NTNG1: variants seen among roughly 807,000 people sequenced by gnomAD.
NTNG1 encodes netrin G1, also known as netrin-G1.
NTNG1 carries 16 observed loss-of-function variants against 54.0 expected under a neutral mutation model. The observed-to-expected ratio is 0.30, with a 90% CI of 0.20 to 0.45. The LOEUF is 0.45. NTNG1 is among the 20% of genes least tolerant of loss of function. NTNG1 has a pLI of 1.00. For synonymous variants in NTNG1, 255 were observed against 263.1 expected (o/e 0.97, Z 0.30); for missense variants, 530 against 678.7 (o/e 0.78, Z 2.43).
intron 7 of NTNG1, among the ~76,000 whole-genome samples, chr1:107,464,956 T>A (rs1243400490): frequency 6.6e-6 from 1 of 152,170 alleles, no homozygotes; most frequent in Non-Finnish European, 1.5e-5. Context: ...GTGGTGTTTC[T>A]CTCCAGGTCG....
chr1:107,297,286 T>G (rs1666041655), intron 2 of NTNG1, among the ~76,000 whole-genome samples: 1 of 145,860 alleles, frequency 6.9e-6, no homozygotes, highest in African/African-American at 2.6e-5. Context: ...GGATGCATGT[T>G]GTAAATTGAA....
intron 3 of NTNG1, among the ~76,000 whole-genome samples, chr1:107,374,143 A>C (rs1671088461): frequency 6.6e-6 from 1 of 152,082 alleles, no homozygotes; most frequent in African/African-American, 2.4e-5. Flanking sequence ...TGTGTGTAAC[A>C]TGTCCTTTAT....
At chr1:107,208,543 T>A (rs577420525) in intron 2 of NTNG1, among the ~76,000 whole-genome samples, 11 of 152,136 alleles carry the variant, frequency 7.2e-5, no homozygotes, top group Non-Finnish European at 1.5e-5. Context: ...GCAACACACC[T>A]ACGCCCCATG....
intron 2 of NTNG1, among the ~76,000 whole-genome samples, chr1:107,282,493 A>C (rs1184205765): frequency 3.0e-4 from 45 of 152,116 alleles, no homozygotes; most frequent in Admixed American, 3.0e-3. Context: ...AAGGTAAGAC[A>C]TTTCTGTAAC....
intron 2 of NTNG1, among the ~76,000 whole-genome samples, chr1:107,217,426 TG>T (rs1175633749): frequency 1.3e-5 from 2 of 152,200 alleles, no homozygotes; most frequent in Non-Finnish European, 1.5e-5. Context: ...TTGGATTTTT[TG>T]TTTGTTTATT....
At chr1:107,295,495 T>C (rs1665886628) in intron 2 of NTNG1, among the ~76,000 whole-genome samples, 1 of 152,116 alleles carries the variant, frequency 6.6e-6, no homozygotes, top group African/African-American at 2.4e-5. Context: ...AACAATGGGT[T>C]TGTAGTGTAA....
chr1:107,141,690 C>T (rs1653730720), intron 1 of NTNG1, among the ~76,000 whole-genome samples: 1 of 152,014 alleles, frequency 6.6e-6, no homozygotes, highest in South Asian at 2.1e-4. Flanking sequence ...ACAAGTCTTC[C>T]CGGGGGTGCG....
intron 3 of NTNG1, among the ~76,000 whole-genome samples, chr1:107,340,365 C>G (rs1055780544): frequency 6.6e-6 from 1 of 151,934 alleles, no homozygotes; most frequent in Non-Finnish European, 1.5e-5. Flanking sequence ...TTTAATCAGA[C>G]TGAATGAAAG....
intron 5 of NTNG1, among the ~76,000 whole-genome samples, chr1:107,414,280 A>AT (rs1308637476): frequency 1.3e-5 from 2 of 152,130 alleles, no homozygotes; most frequent in East Asian, 3.9e-4. Flanking sequence ...CAAAATCTCC[A>AT]TTTTTCTCAT....
intron 2 of NTNG1, among the ~76,000 whole-genome samples, chr1:107,300,779 T>G (rs1666268276): frequency 1.3e-5 from 2 of 152,214 alleles, no homozygotes; most frequent in Non-Finnish European, 2.9e-5. Flanking sequence ...TTTAAGATCC[T>G]GAATACAGAG....
chr1:107,231,793 A>G lies in NTNG1; in HGVS notation c.246+82954A>G, dbSNP rs145533053. ...TTAGCATCTTGGATACTGCCAGGCC[A>G]TGGAAGGAAGGCAAATTGTTGCCAA... On this transcript the variant is annotated intron_variant, in intron 2 of 7. Coordinates refer to ENST00000370068, the MANE Select transcript of NTNG1 (RefSeq NM_001113226.3). Among the ~76,000 whole-genome samples, 585 of 152,280 alleles carry G rather than the reference A, an allele frequency of 3.8e-3. 4 individuals carry two copies. Among genetic ancestry groups the G allele is most frequent in the South Asian group, 0.02 (96 of 4,818 alleles).
At chr1:107,386,870 A>G (rs1228615141) in intron 3 of NTNG1, among the ~76,000 whole-genome samples, 2 of 152,190 alleles carry the variant, frequency 1.3e-5, no homozygotes, top group African/African-American at 2.4e-5. Flanking sequence ...CCCAATAGCA[A>G]TCTCTGAGGA....
At chr1:107,406,341 TATACTTCAATG>T in intron 4 of NTNG1, among the ~76,000 whole-genome samples, 1 of 152,338 alleles carries the variant, frequency 6.6e-6, no homozygotes, top group East Asian at 1.9e-4. Context: ...CACCTGTTAC[TATACTTCAATG>T]ATGTGAAGAA....
chr1:107,345,399 T>C (rs1052262821), intron 3 of NTNG1, among the ~76,000 whole-genome samples: 5 of 152,214 alleles, frequency 3.3e-5, no homozygotes, highest in African/African-American at 1.2e-4. Context: ...ATTTTCAAAG[T>C]TCTGTGGATT....
rs1190772070 is a variant in NTNG1, at chr1:107,191,328, C to G, written c.246+42489C>G. ...GTTCATTGTAGATTCTGGATATTAG[C>G]CCTTGGTCAGATGAGTAGGTTGCAA... On this transcript the variant is annotated intron_variant, in intron 2 of 7. Coordinates refer to ENST00000370068, the MANE Select transcript of NTNG1 (RefSeq NM_001113226.3). Among the ~76,000 whole-genome samples, 40 of 152,190 alleles carry G rather than the reference C, an allele frequency of 2.6e-4. No homozygotes were observed. The South Asian group carries it at 8.3e-3, about 32-fold the overall frequency.
intron 4 of NTNG1, chr1:107,403,760 A>G (rs1208887285): frequency 6.5e-6 from 1 of 154,082 alleles, no homozygotes; most frequent in African/African-American, 2.4e-5. Context: ...CACAAATTTA[A>G]CAATGCCTCA....
intron 2 of NTNG1, among the ~76,000 whole-genome samples, chr1:107,318,987 G>A (rs12752728): frequency 0.046 from 7,076 of 152,206 alleles, 219 homozygotes; most frequent in East Asian, 0.16. Flanking sequence ...GGGCTTGTTA[G>A]TATGTTTGTG....
Position 107,220,910 on chromosome 1 carries a change from T to G in NTNG1, c.246+72071T>G, listed in dbSNP as rs190523934. Among the ~76,000 whole-genome samples the G allele has an allele frequency of 1.9e-3, 282 of 152,338 alleles. 3 individuals carry two copies. The highest frequency in any genetic ancestry group is 6.6e-3 in the Admixed American group (101 of 15,306). Reference sequence around the variant, plus strand: ...TAAGAGGCAATTTATGTTACCATTTTGATGTGTTTCATTCCAATCATTTTT... The same window carrying G: ...TAAGAGGCAATTTATGTTACCATTTGGATGTGTTTCATTCCAATCATTTTT... On this transcript the variant is annotated intron_variant, in intron 2 of 7. Transcript: ENST00000370068.
intron 7 of NTNG1, among the ~76,000 whole-genome samples, chr1:107,468,667 A>G (rs1677759601): frequency 6.6e-6 from 1 of 152,212 alleles, no homozygotes. Flanking sequence ...TATGTTCCAA[A>G]GTTAACTAAT....
Sources: gnomAD v4.1 joint callset for allele counts (sites outside exome capture counted in the v4.1 genomes callset) on GRCh38, gnomAD v4.1.1 for gene constraint, MANE v1.5 for transcripts, NCBI Gene and HGNC (gene_info 2026-07-23, HGNC 2026-07-21) for gene names.